INPP5A: variants seen among roughly 807,000 people sequenced by gnomAD.
INPP5A encodes 43 kDa inositol polyphosphate 5-phophatase.
INPP5A carries 14 observed loss-of-function variants against 65.2 expected under a neutral mutation model. The observed-to-expected ratio is 0.21, with a 90% CI of 0.14 to 0.34. INPP5A has a LOEUF of 0.34. Ranked by LOEUF, INPP5A falls within the 10% of genes least tolerant of loss-of-function variation. The pLI is 1.00. For missense variants in INPP5A, 431 were observed against 545.6 expected, an observed-to-expected ratio of 0.79 and a Z score of 2.09; for synonymous variants, 207 against 208.3, an observed-to-expected ratio of 0.99 and a Z score of 0.05.
chr10:132,599,358 G>A lies in INPP5A; in HGVS notation c.76-8557G>A, dbSNP rs545003748. Among the ~76,000 whole-genome samples, 6 of 152,312 alleles carry A rather than the reference G, an allele frequency of 3.9e-5. No individual in the cohort carries two copies. In the South Asian group the frequency reaches 1.0e-3, roughly 26 times the overall value. ...GGCCGATGCAAGTCCGAAATCCAGCGGGGCAGTCAAATTTTAAAGCTCCAA... is the reference window on the plus strand; with the variant it reads ...GGCCGATGCAAGTCCGAAATCCAGCAGGGCAGTCAAATTTTAAAGCTCCAA... On this transcript the variant is annotated intron_variant, in intron 1 of 15. Coordinates refer to ENST00000368594, the MANE Select transcript of INPP5A (RefSeq NM_005539.5).
intron 1 of INPP5A, among the ~76,000 whole-genome samples, chr10:132,559,645 C>G (rs182634573): frequency 5.2e-4 from 76 of 147,168 alleles, no homozygotes; most frequent in Non-Finnish European, 1.0e-3. Context: ...CTCACTTACT[C>G]AGCACGTGTG....
chr10:132,614,893 GT>G (rs1455811052), intron 2 of INPP5A, among the ~76,000 whole-genome samples: 1 of 152,254 alleles, frequency 6.6e-6, no homozygotes, highest in Non-Finnish European at 1.5e-5. Flanking sequence ...GACCCTCCTC[GT>G]GGAATGGGCT....
intron 9 of INPP5A, among the ~76,000 whole-genome samples, chr10:132,729,060 G>A (rs1191369680): frequency 1.3e-5 from 2 of 149,162 alleles, no homozygotes; most frequent in East Asian, 3.9e-4. Flanking sequence ...GGCTTGCGTG[G>A]CCGCTGTGGT....
At chr10:132,635,992 A>AC (rs2072345717) in intron 2 of INPP5A, among the ~76,000 whole-genome samples, 1 of 151,920 alleles carries the variant, frequency 6.6e-6, no homozygotes, top group African/African-American at 2.4e-5. Flanking sequence ...ACAAAAAAAA[A>AC]AAAAAAAAAG....
chr10:132,777,604 G>A, intron 12 of INPP5A, 67 bp from the exon 13 acceptor site: 1 of 1,427,702 alleles, frequency 7.0e-7, no homozygotes, highest in South Asian at 1.2e-5. Context: ...AATCGGCACA[G>A]CCGTCCCTTT....
At chr10:132,712,059 G>A (rs1034081627) in intron 8 of INPP5A, among the ~76,000 whole-genome samples, 1 of 152,208 alleles carries the variant, frequency 6.6e-6, no homozygotes, top group Non-Finnish European at 1.5e-5. Context: ...GCACCCCTGG[G>A]GACTGTGTGG....
chr10:132,666,515 CCT>C lies in INPP5A; in HGVS notation c.306+16011_306+16012del, dbSNP rs139170212. Among the ~76,000 whole-genome samples the C allele has an allele frequency of 8.1e-3, 1,240 of 152,260 alleles. 15 individuals carry two copies. The highest frequency in any genetic ancestry group is 0.029 in the African/African-American group (1,184 of 41,534). On this transcript the variant is annotated intron_variant, in intron 4 of 15. Transcript: ENST00000368594. ...GTTTGAAAACAGCCACAAAAAAACC[CCT>C]GTCGGATCACCCAAAACCGCTGGCC... is the stretch of plus-strand genomic sequence containing the variant.
rs1023576781 is a variant in INPP5A, at chr10:132,545,045, C to T, written c.75+6874C>T. 4.6e-5 allele frequency among the ~76,000 whole-genome samples: 7 copies of T among 152,140 alleles called. No homozygotes were observed. In the South Asian group the frequency reaches 8.3e-4, roughly 18 times the overall value. ...GAATGTCTGCACGTAGGCGTGGTCA[C>T]GTCCGTCCCTGTTGCCTGCGCTGCT... is the stretch of plus-strand genomic sequence containing the variant. On this transcript the variant is annotated intron_variant, in intron 1 of 15. Coordinates refer to ENST00000368594, the MANE Select transcript of INPP5A (RefSeq NM_005539.5). The surrounding 1 kb of genome is among the most constrained non-coding windows in gnomAD (Gnocchi z 4.6).
At chr10:132,556,787 T>G (rs1423987464) in intron 1 of INPP5A, among the ~76,000 whole-genome samples, 2 of 151,934 alleles carry the variant, frequency 1.3e-5, no homozygotes, top group Non-Finnish European at 2.9e-5. Context: ...TTTTTTTTTT[T>G]GGTTTTCTAT....
At chr10:132,738,103 A>G (rs1353677149) in intron 9 of INPP5A, among the ~76,000 whole-genome samples, 2 of 152,256 alleles carry the variant, frequency 1.3e-5, no homozygotes, top group Non-Finnish European at 2.9e-5. Flanking sequence ...TAAATGATTC[A>G]TAATCCGTAG....
chr10:132,619,908 C>G (rs939793679), intron 2 of INPP5A, among the ~76,000 whole-genome samples: 2 of 152,250 alleles, frequency 1.3e-5, no homozygotes, highest in African/African-American at 4.8e-5. Flanking sequence ...ATTCACCCAC[C>G]TCAGGTGCTG....
At chr10:132,731,732 A>C (rs1049672315) in intron 9 of INPP5A, among the ~76,000 whole-genome samples, 1 of 126,694 alleles carries the variant, frequency 7.9e-6, no homozygotes, top group South Asian at 2.6e-4. Context: ...TCCCCCAGTG[A>C]GGGTTTCCTC....
intron 4 of INPP5A, among the ~76,000 whole-genome samples, chr10:132,652,871 G>A (rs1026563594): frequency 6.6e-6 from 1 of 152,202 alleles, no homozygotes; most frequent in East Asian, 1.9e-4. Context: ...AGGACATAGC[G>A]GTCGTGAACG....
intron 8 of INPP5A, among the ~76,000 whole-genome samples, chr10:132,712,870 G>A (rs1266876594): frequency 1.3e-5 from 2 of 150,906 alleles, no homozygotes; most frequent in East Asian, 3.9e-4. Flanking sequence ...ACGTGTCGAT[G>A]TGTAGGCCTG....
Position 132,707,539 on chromosome 10 carries a change from C to T in INPP5A, c.475-774C>T, listed in dbSNP as rs945011342. 9.2e-5 allele frequency among the ~76,000 whole-genome samples: 14 copies of T among 152,304 alleles called. No homozygotes were observed. The highest frequency in any genetic ancestry group is 2.1e-4 in the South Asian group (1 of 4,822). On this transcript the variant is annotated intron_variant, in intron 6 of 15. Transcript: ENST00000368594. The surrounding 1 kb of genome is among the most constrained non-coding windows in gnomAD (Gnocchi z 5.5). ...TCTTCAGTCATACACTTTGCACGCT[C>T]GGTGGCCCCGGTGGCTGGCCACTGC...
chr10:132,567,440 G>T, intron 1 of INPP5A, among the ~76,000 whole-genome samples: 1 of 152,276 alleles, frequency 6.6e-6, no homozygotes, highest in South Asian at 2.1e-4. Context: ...GCTGCTGGGC[G>T]CAGCCCCTTG....
At position 132,567,397 on chromosome 10, in the gene INPP5A, C is replaced by T. The variant is rs534946901; in HGVS notation, c.75+29226C>T. Among the ~76,000 whole-genome samples, 30 of 152,374 alleles carry T rather than the reference C, an allele frequency of 2.0e-4. No individual in the cohort carries two copies. In the South Asian group the frequency reaches 3.3e-3, roughly 17 times the overall value. ...CTAGGCTCAAGCACTTCTCCCTTCT[C>T]GGCCTCCCAGAATGCTGGGATTACA... On this transcript the variant is annotated intron_variant, in intron 1 of 15. Transcript: ENST00000368594.
intron 9 of INPP5A, among the ~76,000 whole-genome samples, chr10:132,731,371 G>A (rs1288328784): frequency 1.3e-5 from 2 of 151,758 alleles, no homozygotes; most frequent in African/African-American, 2.4e-5. Flanking sequence ...GAGTCACTGC[G>A]TCCCTGCCCT....
At chr10:132,613,872 G>A (rs1030807472) in intron 2 of INPP5A, among the ~76,000 whole-genome samples, 1 of 152,226 alleles carries the variant, frequency 6.6e-6, no homozygotes, top group Admixed American at 6.5e-5. Flanking sequence ...GCCTCTGACT[G>A]TTTCGGGTGT....
Sources: allele counts gnomAD v4.1 joint callset (sites outside exome capture counted in the v4.1 genomes callset), GRCh38; gene constraint gnomAD v4.1.1; non-coding constraint Gnocchi (gnomAD v3.1); transcripts MANE v1.5; gene names NCBI Gene and HGNC (gene_info 2026-07-23, HGNC 2026-07-21).